CHN2: variants seen among roughly 807,000 people sequenced by gnomAD.
CHN2 encodes the protein chimerin 2.
CHN2 carries 35 observed loss-of-function variants against 56.3 expected under a neutral mutation model. The observed-to-expected ratio is 0.62, with a 90% CI of 0.47 to 0.82. The LOEUF (loss-of-function observed/expected upper bound fraction) is 0.82, where lower values mean the gene tolerates loss of function less well. Ranked by LOEUF, CHN2 falls within the 40% of genes least tolerant of loss-of-function variation. CHN2 has a pLI of 0.00. For missense variants in CHN2, 491 were observed against 580.5 expected (o/e 0.85, Z 1.58); for synonymous variants, 210 against 212.8 (o/e 0.99, Z 0.12).
At chr7:29,366,300 G>A (rs912020153) in intron 2 of CHN2, among the ~76,000 whole-genome samples, 14 of 152,114 alleles carry the variant, frequency 9.2e-5, no homozygotes, top group South Asian at 2.1e-4. Flanking sequence ...AAGAGAATGC[G>A]ACCTGAAGAG....
At chr7:29,392,193 C>T (rs1245270474) in intron 3 of CHN2, among the ~76,000 whole-genome samples, 1 of 152,148 alleles carries the variant, frequency 6.6e-6, no homozygotes, top group African/African-American at 2.4e-5. Context: ...TTTTCTAGTT[C>T]TAAATTTCTT....
At chr7:29,472,324 A>G (rs1786172123) in intron 6 of CHN2, among the ~76,000 whole-genome samples, 1 of 84,896 alleles carries the variant, frequency 1.2e-5, no homozygotes, top group Non-Finnish European at 3.2e-5. Context: ...AGACACAGAA[A>G]TAGGTAGTAG....
At chr7:29,411,442 G>A (rs372521395) in intron 6 of CHN2, among the ~76,000 whole-genome samples, 33 of 152,250 alleles carry the variant, frequency 2.2e-4, no homozygotes, top group African/African-American at 7.9e-4. Context: ...CCCCCAGAGT[G>A]AGTAGCTGTC....
At chr7:29,324,302 T>G (rs528570753) in intron 1 of CHN2, among the ~76,000 whole-genome samples, 56 of 152,290 alleles carry the variant, frequency 3.7e-4, no homozygotes, top group African/African-American at 1.3e-3. Context: ...CACGCATGCA[T>G]CTCTTCTCCA....
At position 29,234,452 on chromosome 7, in the gene CHN2, C is replaced by T. The variant is rs997929594; in HGVS notation, c.49+39462C>T. Among the ~76,000 whole-genome samples the T allele has an allele frequency of 4.6e-5, 7 of 152,232 alleles. No homozygotes were observed. In the East Asian group the frequency reaches 1.2e-3, roughly 25 times the overall value. The stretch of plus-strand genomic sequence containing the variant: ...ATAAAATTTAATGGGGCCCATAAAC[C>T]TCACTGAAGCCCTCCATTGGCCCCA... On this transcript the variant is annotated intron_variant, in intron 1 of 12. Transcript: ENST00000222792.
In CHN2 at chr7:29,493,691, G is replaced by A. The variant is rs112585047; in HGVS notation, c.655-2261G>A. 4.9e-3 allele frequency among the ~76,000 whole-genome samples: 753 copies of A among 152,160 alleles called. 8 individuals carry two copies. The highest frequency in any genetic ancestry group is 0.017 in the African/African-American group (707 of 41,502). The stretch of plus-strand genomic sequence containing the variant: ...TCCCTCAAAGGCCCACACTTCTACT[G>A]TCAGGTCCTATAAATTCTGTCTTCA... On this transcript the variant is annotated intron_variant, in intron 7 of 12. Transcript: ENST00000222792.
intron 1 of CHN2, among the ~76,000 whole-genome samples, chr7:29,264,198 GA>G (rs1345514332): frequency 6.7e-6 from 1 of 149,678 alleles, no homozygotes; most frequent in East Asian, 2.1e-4. Context: ...GGGAAGTGAG[GA>G]GCCCCTCTGC....
chr7:29,177,284 C>T (rs1668759856), intron 2 of CHN2, among the ~76,000 whole-genome samples: 1 of 150,524 alleles, frequency 6.6e-6, no homozygotes, highest in African/African-American at 2.5e-5. Context: ...GACAGAGTCT[C>T]ACTCTGTCAT....
chr7:29,314,115 A>T (rs997956921), intron 1 of CHN2, among the ~76,000 whole-genome samples: 1 of 152,248 alleles, frequency 6.6e-6, no homozygotes, highest in Admixed American at 6.5e-5. Context: ...ATGCTACAGT[A>T]GCATTATTCA....
intron 6 of CHN2, among the ~76,000 whole-genome samples, chr7:29,442,358 A>G (rs968332926): frequency 5.3e-5 from 8 of 152,192 alleles, no homozygotes; most frequent in Admixed American, 2.0e-4. Context: ...GAGGGTAGAC[A>G]CGTGCCAACC....
intron 2 of CHN2, among the ~76,000 whole-genome samples, chr7:29,366,678 A>T (rs1799188577): frequency 6.6e-6 from 1 of 152,172 alleles, no homozygotes; most frequent in African/African-American, 2.4e-5. Flanking sequence ...CCTTTCACAG[A>T]TGACTACAGT....
At chr7:29,194,625 G>A (rs2128760174), upstream of CHN2, 1 of 291,824 alleles carries the variant, frequency 3.4e-6, no homozygotes, top group Non-Finnish European at 6.2e-6. Flanking sequence ...ACGGCAGAGG[G>A]GCTCGGCGGG....
Position 29,181,952 on chromosome 7 carries a change from A to T in CHN2, c.274+34992A>T, listed in dbSNP as rs183413957. Among the ~76,000 whole-genome samples, 62 of 152,342 alleles carry T rather than the reference A, an allele frequency of 4.1e-4. No individual in the cohort carries two copies. In the East Asian group the frequency reaches 0.01, roughly 26 times the overall value. On this transcript the variant is annotated intron_variant, in intron 2 of 6. Coordinates refer to the CHN2 transcript ENST00000439384. The stretch of plus-strand genomic sequence containing the variant: ...TACTTATCTCTTTTTTGCCTCTAAC[A>T]TATCTACAGTAAGCATGGATTACTT...
chr7:29,468,799 C>T (rs550702102), intron 6 of CHN2, among the ~76,000 whole-genome samples: 6 of 152,278 alleles, frequency 3.9e-5, no homozygotes, highest in South Asian at 4.1e-4. Context: ...ATCCTGTGAG[C>T]GTTAGCTTTC....
At position 29,195,023 on chromosome 7, in the gene CHN2, G is replaced by GCCGGGTCTCGCCCCACTGCCCTCGCC. The variant is rs761880515; in HGVS notation, c.49+37_49+62dup. ...TCAGCCCGTCGGGCGCTGCTGCCGC[G>GCCGGGTCTCGCCCCACTGCCCTCGCC]CCGGGTCTCGCCCCACTGCCCTCGC... On this transcript the variant is annotated intron_variant, in intron 1 of 12. Coordinates refer to ENST00000222792, the MANE Select transcript of CHN2 (RefSeq NM_004067.4). The GCCGGGTCTCGCCCCACTGCCCTCGCC allele has an allele frequency of 1.9e-6, 3 of 1,576,432 alleles. No individual in the cohort carries two copies. In the African/African-American group the frequency reaches 4.2e-5, roughly 22 times the overall value.
chr7:29,154,218 A>G (rs1157388812), intron 2 of CHN2, among the ~76,000 whole-genome samples: 1 of 152,188 alleles, frequency 6.6e-6, no homozygotes, highest in Non-Finnish European at 1.5e-5. Flanking sequence ...ACAGGATGCC[A>G]GCAGACAGAG....
At chr7:29,291,986 A>G (rs2214570) in intron 1 of CHN2, among the ~76,000 whole-genome samples, 124,345 of 152,160 alleles carry the variant, frequency 0.82, 51,166 homozygotes, top group East Asian at 1. Context: ...GGCTCCTCCT[A>G]TATTTTGGCT....
chr7:29,393,844 C>A, intron 4 of CHN2, 134 bp downstream of exon 4: 1 of 272,922 alleles, frequency 3.7e-6, no homozygotes, highest in Non-Finnish European at 6.7e-6. Context: ...ATAATAAATG[C>A]AATCAGACTC....
At chr7:29,357,423 G>A (rs1051979435) in intron 2 of CHN2, among the ~76,000 whole-genome samples, 1 of 152,130 alleles carries the variant, frequency 6.6e-6, no homozygotes, top group East Asian at 1.9e-4. Flanking sequence ...ATTTGAGTTT[G>A]GGTGTTAGAC....
Sources: allele counts gnomAD v4.1 joint callset (sites outside exome capture counted in the v4.1 genomes callset), GRCh38; gene constraint gnomAD v4.1.1; transcripts MANE v1.5; gene names NCBI Gene and HGNC (gene_info 2026-07-23, HGNC 2026-07-21).